VRK2: variants seen among roughly 807,000 people sequenced by gnomAD.
VRK2 encodes serine/threonine-protein kinase VRK2.
Under a neutral mutation model 57.6 loss-of-function variants are expected in VRK2, and 60 were observed. The ratio of observed to expected loss-of-function variants is 1.04; its 90% CI spans 0.85 to 1.29. VRK2 has a LOEUF of 1.29. Among genes scored for constraint, VRK2 ranks in the 50% most tolerant of loss-of-function variants. The pLI, the probability that VRK2 is intolerant of heterozygous loss-of-function variation, is 0.00. For missense variants in VRK2, 705 were observed against 588.1 expected (o/e 1.20, Z -2.06); for synonymous variants, 231 against 199.2 (o/e 1.16, Z -1.35).
chr2:58,016,848 C>T (rs978219144), intron 1 of VRK2, among the ~76,000 whole-genome samples: 7 of 152,020 alleles, frequency 4.6e-5, no homozygotes, highest in African/African-American at 1.7e-4. Flanking sequence ...TTTGCTTTAC[C>T]TCCTCACAAT....
At chr2:57,936,600 C>G (rs530618751) in intron 1 of VRK2, among the ~76,000 whole-genome samples, 1 of 148,320 alleles carries the variant, frequency 6.7e-6, no homozygotes, top group East Asian at 2.0e-4. Flanking sequence ...GTGGAGGGAT[C>G]TCAGCTCACT....
intron 2 of VRK2, among the ~76,000 whole-genome samples, chr2:58,077,453 TTCTTCTGTC>T (rs1670275449): frequency 6.6e-6 from 1 of 152,036 alleles, no homozygotes; most frequent in Non-Finnish European, 1.5e-5. Flanking sequence ...AGGTGAGTTA[TTCTTCTGTC>T]TCTTAGAAAA....
At chr2:58,112,036 A>G (rs896146262) in intron 7 of VRK2, among the ~76,000 whole-genome samples, 9 of 152,304 alleles carry the variant, frequency 5.9e-5, no homozygotes, top group Non-Finnish European at 1.0e-4. Flanking sequence ...GACCCCTACT[A>G]TAGATTTAGT....
At chr2:58,130,469 A>G (rs1265014355) in intron 8 of VRK2, among the ~76,000 whole-genome samples, 2 of 152,202 alleles carry the variant, frequency 1.3e-5, no homozygotes, top group East Asian at 3.8e-4. Context: ...AATGGCACCC[A>G]TGGGACTGTA....
chr2:58,113,312 CAAAAAAA>C (rs60456089), intron 7 of VRK2, among the ~76,000 whole-genome samples: 150 of 82,244 alleles, frequency 1.8e-3, no homozygotes, highest in Middle Eastern at 9.8e-3. Flanking sequence ...AACTCCGTCT[CAAAAAAA>C]AAAAAAAAAA....
intron 1 of VRK2, among the ~76,000 whole-genome samples, chr2:57,933,309 CTT>C (rs71394403): frequency 1.8e-3 from 114 of 63,286 alleles, no homozygotes; most frequent in African/African-American, 8.0e-3. Context: ...CTTTCTTTTT[CTT>C]TTTTTTTTTT....
chr2:58,137,116 C>CAT (rs1195980943), intron 10 of VRK2, among the ~76,000 whole-genome samples: 1 of 64,880 alleles, frequency 1.5e-5, no homozygotes, highest in African/African-American at 5.3e-5. Context: ...TAACATATAT[C>CAT]ATATATGTGT....
At chr2:57,969,099 G>C (rs1672012992) in intron 1 of VRK2, among the ~76,000 whole-genome samples, 1 of 151,906 alleles carries the variant, frequency 6.6e-6, no homozygotes, top group Non-Finnish European at 1.5e-5. Context: ...TCACAGATGG[G>C]GAAATGCTAG....
At chr2:58,041,223 A>T (rs1314624133) in intron 3 of VRK2, among the ~76,000 whole-genome samples, 1 of 152,214 alleles carries the variant, frequency 6.6e-6, no homozygotes. Context: ...ATAATCTGAT[A>T]CATATTTACA....
chr2:58,005,623 CAT>C (rs1231004380), intron 1 of VRK2, among the ~76,000 whole-genome samples: 3 of 151,984 alleles, frequency 2.0e-5, no homozygotes, highest in Admixed American at 2.0e-4. Flanking sequence ...AAATATAAAA[CAT>C]ATGTAAGATA....
At chr2:58,081,935 G>A (rs961276618) in intron 2 of VRK2, among the ~76,000 whole-genome samples, 9 of 150,542 alleles carry the variant, frequency 6.0e-5, no homozygotes, top group Non-Finnish European at 1.3e-4. Context: ...AATGGGGCTT[G>A]GCTTACAGTA....
At chr2:58,092,084 T>A (rs1398641153) in intron 7 of VRK2, among the ~76,000 whole-genome samples, 1 of 152,218 alleles carries the variant, frequency 6.6e-6, no homozygotes, top group Non-Finnish European at 1.5e-5. Flanking sequence ...CAGTTTGATA[T>A]CTTTTGACAG....
intron 1 of VRK2, among the ~76,000 whole-genome samples, chr2:58,012,567 G>C (rs967570435): frequency 6.6e-6 from 1 of 151,506 alleles, no homozygotes; most frequent in Non-Finnish European, 1.5e-5. Flanking sequence ...TCCAGAGTTT[G>C]GGGGGATAGG....
intron 1 of VRK2, among the ~76,000 whole-genome samples, chr2:57,995,414 C>A (rs1438707160): frequency 1.3e-5 from 2 of 152,138 alleles, no homozygotes; most frequent in Non-Finnish European, 2.9e-5. Flanking sequence ...TATTTTTTCT[C>A]GAAAGCTCAA....
chr2:58,055,045 A>G (rs1322055385), intron 2 of VRK2, among the ~76,000 whole-genome samples: 1 of 152,212 alleles, frequency 6.6e-6, no homozygotes, highest in East Asian at 1.9e-4. Context: ...ATTGAAGGCC[A>G]GAAACATCTA....
intron 1 of VRK2, among the ~76,000 whole-genome samples, chr2:58,007,323 C>T (rs187067632): frequency 1.6e-3 from 249 of 151,204 alleles, no homozygotes; most frequent in African/African-American, 5.7e-3. Context: ...TCTGGAAAAT[C>T]GTGGCTAACA....
chr2:58,118,690 G>A (rs1676916693), intron 7 of VRK2, among the ~76,000 whole-genome samples: 1 of 152,220 alleles, frequency 6.6e-6, no homozygotes, highest in Non-Finnish European at 1.5e-5. Context: ...CCGAGTCATG[G>A]CACCAAATTT....
intron 1 of VRK2, among the ~76,000 whole-genome samples, chr2:58,024,797 T>C (rs977100372): frequency 1.3e-5 from 2 of 152,210 alleles, no homozygotes; most frequent in African/African-American, 2.4e-5. Context: ...TAAGTAATAA[T>C]GCATGCTGAA....
At chr2:58,036,697 T>C (rs1558552588) in intron 3 of VRK2, among the ~76,000 whole-genome samples, 1 of 152,060 alleles carries the variant, frequency 6.6e-6, no homozygotes. Flanking sequence ...TTCTCATATA[T>C]ATCACGCTAT....
Sources: gnomAD v4.1 joint callset for allele counts (sites outside exome capture counted in the v4.1 genomes callset) on GRCh38, gnomAD v4.1.1 for gene constraint, MANE v1.5 for transcripts, NCBI Gene and HGNC (gene_info 2026-07-23, HGNC 2026-07-21) for gene names.